The following DNAH11 variants were observed in gnomAD, a reference collection of about 807,000 sequenced individuals.
DNAH11 encodes dynein axonemal heavy chain 11.
In DNAH11, 442 loss-of-function variants were observed where a neutral mutation model predicts 526.0. The ratio of observed to expected loss-of-function variants is 0.84; its 90% confidence interval spans 0.78 to 0.91. The LOEUF (loss-of-function observed/expected upper bound fraction) is 0.91, where lower values mean the gene tolerates loss of function less well. DNAH11 is among the 40% of genes least tolerant of loss of function. The probability of loss-of-function intolerance (pLI) is 0.00; values close to 1 mark genes in which losing one functional copy is unlikely to be tolerated. For synonymous variants in DNAH11, 2,461 were observed against 1,935.9 expected, an observed-to-expected ratio of 1.27 and a Z score of -7.12; for missense variants, 6,989 against 5,448.7, an observed-to-expected ratio of 1.28 and a Z score of -8.90.
chr7:21,811,085 A>T (rs905097350), intron 63 of DNAH11, among the ~76,000 whole-genome samples: 1 of 152,200 alleles, frequency 6.6e-6, no homozygotes, highest in Non-Finnish European at 1.5e-5. Flanking sequence ...TACACAACAG[A>T]ATGTTATTCA....
rs750008126 is a variant in DNAH11, at chr7:21,900,152, T to TTTTC, written c.13303+35_13303+38dup. On this transcript the variant is annotated intron_variant, in intron 81 of 81. Transcript: ENST00000409508. ...CACCCCAAGGGGTAAGTGGGGAACC[T>TTTTC]TTTCTTACTCAGGTTCAGATCAGTG... is the stretch of plus-strand genomic sequence containing the variant. 9 of 1,582,058 alleles carry TTTTC rather than the reference T, an allele frequency of 5.7e-6. No homozygotes were observed. In the African/African-American group the frequency reaches 1.2e-4, roughly 21 times the overall value.
rs1014355917 is a variant in DNAH11, at chr7:21,787,208, G to A, written c.9742-193G>A. 7.2e-4 allele frequency among the ~76,000 whole-genome samples: 110 copies of A among 152,204 alleles called. 1 individual carries two copies. The highest frequency in any genetic ancestry group is 2.5e-3 in the African/African-American group (104 of 41,448). ...CTGAATATTTTACCCTGGGATAGAAGAGGTTTTAAAAGTGTCCATTGCTAA... is the reference window on the plus strand; with the variant it reads ...CTGAATATTTTACCCTGGGATAGAAAAGGTTTTAAAAGTGTCCATTGCTAA... On this transcript the variant is annotated intron_variant, in intron 59 of 81. Coordinates refer to ENST00000409508, the MANE Select transcript of DNAH11 (RefSeq NM_001277115.2).
chr7:21,621,162 T>A (rs1052100650), intron 25 of DNAH11, among the ~76,000 whole-genome samples: 10 of 152,028 alleles, frequency 6.6e-5, no homozygotes, highest in African/African-American at 2.4e-4. Flanking sequence ...AAGAGTTGAA[T>A]ACAAACTACC....
intron 72 of DNAH11, 112 bp from the exon 73 acceptor site, chr7:21,868,752 C>A: frequency 3.7e-6 from 5 of 1,362,332 alleles, no homozygotes; most frequent in Non-Finnish European, 5.0e-6. Flanking sequence ...TCAGGAAAGT[C>A]ACTCAGAAGA....
intron 30 of DNAH11, among the ~76,000 whole-genome samples, chr7:21,680,265 A>G (rs578044275): frequency 3.3e-5 from 5 of 152,336 alleles, no homozygotes; most frequent in Non-Finnish European, 7.3e-5. Context: ...GTGATCTGTC[A>G]TATTCACTTA....
At chr7:21,546,385 G>A (rs1006234626) in intron 2 of DNAH11, among the ~76,000 whole-genome samples, 1 of 152,274 alleles carries the variant, frequency 6.6e-6, no homozygotes, top group South Asian at 2.1e-4. Context: ...ACAATTTTTG[G>A]TATGCAGCAG....
At chr7:21,678,908 C>A (rs985499048) in intron 30 of DNAH11, among the ~76,000 whole-genome samples, 1 of 152,136 alleles carries the variant, frequency 6.6e-6, no homozygotes, top group African/African-American at 2.4e-5. Context: ...AAATCACTGT[C>A]TTGACAAGAT....
rs1370513338 is a variant in DNAH11, at chr7:21,698,085, A to G, written c.6052A>G (p.Met2018Val). ...TTATTTACTTTTTAGACCCTGTGCC[A>G]TGGTGGCCCCTGACATTGAGCTAAT... ...NLKALFRPCA[M>V]VAPDIELICE... is the part of the protein sequence containing the mutation. Residue 2018 changes from methionine to valine, a missense_variant, in exon 36 of 82, where the codon ATG becomes GTG. Coordinates refer to ENST00000409508, the MANE Select transcript of DNAH11 (RefSeq NM_001277115.2). The G allele has an allele frequency of 6.2e-7, 1 of 1,612,394 alleles. No homozygotes were observed. Among genetic ancestry groups the G allele is most frequent in the Non-Finnish European group, 8.5e-7 (1 of 1,179,346 alleles).
chr7:21,686,167 A>G lies in DNAH11; in HGVS notation c.5622-932A>G, dbSNP rs75988236. Reference sequence around the variant, plus strand: ...CGCTTCTATTTGCATAGTACTTTCAATTTTTTAAGGCATTTACCTTTGGCC... The same window carrying G: ...CGCTTCTATTTGCATAGTACTTTCAGTTTTTTAAGGCATTTACCTTTGGCC... On this transcript the variant is annotated intron_variant, in intron 32 of 81. Transcript: ENST00000409508. 6.7e-3 allele frequency among the ~76,000 whole-genome samples: 1,016 copies of G among 152,284 alleles called. 10 individuals are homozygous for G. The highest frequency in any genetic ancestry group is 0.023 in the African/African-American group (958 of 41,568).
At chr7:21,862,136 T>TG (rs1314294835) in intron 69 of DNAH11, 113 bp downstream of exon 69, 4 of 1,087,346 alleles carry the variant, frequency 3.7e-6, no homozygotes, top group Non-Finnish European at 3.7e-6. Context: ...TTTTTTTTTT[T>TG]GGAAGCCCTT....
chr7:21,854,845 A>T (rs1042634347), intron 68 of DNAH11, among the ~76,000 whole-genome samples: 1 of 151,730 alleles, frequency 6.6e-6, no homozygotes, highest in Non-Finnish European at 1.5e-5. Context: ...GCACAGCCAG[A>T]ATGTATTTTT....
chr7:21,603,017 C>T (rs997733440), intron 18 of DNAH11, among the ~76,000 whole-genome samples: 4 of 152,144 alleles, frequency 2.6e-5, no homozygotes, highest in African/African-American at 9.7e-5. Context: ...TACCACTTCT[C>T]TGTCTCTCCC....
At chr7:21,769,866 C>A (rs1053863101) in intron 55 of DNAH11, among the ~76,000 whole-genome samples, 2 of 152,074 alleles carry the variant, frequency 1.3e-5, no homozygotes, top group Non-Finnish European at 2.9e-5. Context: ...ATTGAAGGTA[C>A]CTTTTTCAAT....
intron 28 of DNAH11, among the ~76,000 whole-genome samples, chr7:21,651,268 A>C (rs1032128340): frequency 3.3e-5 from 5 of 152,318 alleles, no homozygotes; most frequent in African/African-American, 9.6e-5. Context: ...AGGTAGGGCA[A>C]ATACGAACTT....
At chr7:21,758,986 C>T (rs1786765234) in intron 54 of DNAH11, among the ~76,000 whole-genome samples, 1 of 152,136 alleles carries the variant, frequency 6.6e-6, no homozygotes, top group Non-Finnish European at 1.5e-5. Context: ...GAATACGGGG[C>T]TATCCAGAAG....
intron 79 of DNAH11, among the ~76,000 whole-genome samples, 157 bp downstream of exon 79, chr7:21,895,156 A>G (rs1319802179): frequency 6.6e-6 from 1 of 152,234 alleles, no homozygotes; most frequent in South Asian, 2.1e-4. Flanking sequence ...ATTTGAGTTT[A>G]CTTGGTATAT....
intron 61 of DNAH11, among the ~76,000 whole-genome samples, chr7:21,798,836 T>C (rs60020910): frequency 0.021 from 3,227 of 152,326 alleles, 117 homozygotes; most frequent in African/African-American, 0.073. Flanking sequence ...AATCTAAATG[T>C]CATTTTTAAT....
At chr7:21,861,255 C>G (rs919290225) in intron 68 of DNAH11, among the ~76,000 whole-genome samples, 1 of 152,142 alleles carries the variant, frequency 6.6e-6, no homozygotes, top group African/African-American at 2.4e-5. Flanking sequence ...TTTCTTGTTC[C>G]TCTTTGGGAG....
intron 25 of DNAH11, among the ~76,000 whole-genome samples, chr7:21,623,546 C>G (rs1176032504): frequency 2.0e-5 from 3 of 152,182 alleles, no homozygotes; most frequent in Middle Eastern, 3.4e-3. Context: ...TTCACAATAG[C>G]AAAGACTTGG....
Sources: gnomAD v4.1 joint callset for allele counts (sites outside exome capture counted in the v4.1 genomes callset) on GRCh38, gnomAD v4.1.1 for gene constraint, MANE v1.5 for transcripts, NCBI Gene and HGNC (gene_info 2026-07-23, HGNC 2026-07-21) for gene names.